SUMF1: variants seen among roughly 807,000 people sequenced by gnomAD.
The protein encoded by SUMF1 is formylglycine-generating enzyme.
Under a neutral mutation model 47.6 loss-of-function variants are expected in SUMF1, and 48 were observed. The ratio of observed to expected loss-of-function variants is 1.01; its 90% CI spans 0.80 to 1.28. SUMF1 has a LOEUF of 1.28. Ranked by LOEUF, SUMF1 falls within the 50% of genes most tolerant of loss-of-function variation. SUMF1 has a pLI of 0.00. For synonymous variants in SUMF1, 230 were observed against 192.1 expected, an observed-to-expected ratio of 1.20 and a Z score of -1.63; for missense variants, 571 against 485.4, an observed-to-expected ratio of 1.18 and a Z score of -1.66.
At chr3:4,172,273 G>A (rs1239839871) in intron 8 of SUMF1, among the ~76,000 whole-genome samples, 2 of 152,176 alleles carry the variant, frequency 1.3e-5, no homozygotes, top group Non-Finnish European at 2.9e-5. Flanking sequence ...GAAACTGAGT[G>A]AATAGTGGTG....
intron 8 of SUMF1, among the ~76,000 whole-genome samples, chr3:4,214,454 G>C (rs189870759): frequency 6.6e-6 from 1 of 152,114 alleles, no homozygotes; most frequent in Non-Finnish European, 1.5e-5. Context: ...AGAGAAAGCA[G>C]GAAAGATCTA....
intron 3 of SUMF1, among the ~76,000 whole-genome samples, chr3:4,431,936 T>A (rs1234989506): frequency 6.6e-6 from 1 of 152,142 alleles, no homozygotes; most frequent in Non-Finnish European, 1.5e-5. Flanking sequence ...TTGAACAATT[T>A]GGGTGACAGA....
intron 8 of SUMF1, among the ~76,000 whole-genome samples, chr3:4,318,103 G>A (rs547238136): frequency 6.7e-6 from 1 of 150,316 alleles, no homozygotes; most frequent in Non-Finnish European, 1.5e-5. Context: ...ACCATAACCA[G>A]ACACATGAGT....
chr3:4,188,586 A>C (rs1403166358), intron 8 of SUMF1, among the ~76,000 whole-genome samples: 4 of 152,142 alleles, frequency 2.6e-5, no homozygotes, highest in African/African-American at 7.2e-5. Flanking sequence ...GTGGCAATAG[A>C]CATGGCCTGG....
chr3:4,062,061 G>C (rs1178385281), intron 9 of SUMF1, among the ~76,000 whole-genome samples: 1 of 151,914 alleles, frequency 6.6e-6, no homozygotes, highest in African/African-American at 2.4e-5. Flanking sequence ...ACCTCAGCCT[G>C]AACAGCACCC....
intron 8 of SUMF1, among the ~76,000 whole-genome samples, chr3:4,164,390 C>A (rs965027131): frequency 2.0e-5 from 3 of 152,188 alleles, no homozygotes; most frequent in African/African-American, 7.2e-5. Flanking sequence ...TTACCCCAGG[C>A]ACCCTCAGTT....
intron 8 of SUMF1, among the ~76,000 whole-genome samples, chr3:4,304,964 C>T (rs528507009): frequency 8.4e-4 from 122 of 145,682 alleles, no homozygotes; most frequent in African/African-American, 2.9e-3. Context: ...CGGGGCAACT[C>T]AAAGTGGTGG....
rs141895684 is a variant in SUMF1 at position 4,042,611 on chromosome 3, AT to A, written c.1191+25957del. Among the ~76,000 whole-genome samples, 722 of 152,128 alleles carry A rather than the reference AT, an allele frequency of 4.7e-3. 7 individuals are homozygous for A. Among genetic ancestry groups the A allele is most frequent in the African/African-American group, 0.017 (689 of 41,508 alleles). ...TCAAAACAATTATGTAATTCTCCTC[AT>A]TTTTTCCTTTAAAAACCATTTCTTT... On this transcript the variant is annotated intron_variant and NMD_transcript_variant, in intron 9 of 12. Transcript: ENST00000448413.
At chr3:4,047,420 C>T (rs561606178) in intron 9 of SUMF1, among the ~76,000 whole-genome samples, 83 of 152,230 alleles carry the variant, frequency 5.5e-4, no homozygotes, top group Admixed American at 2.4e-3. Context: ...ACTTGGGATT[C>T]GGTGCTTACA....
chr3:4,051,720 A>T (rs1177265762), intron 9 of SUMF1, among the ~76,000 whole-genome samples: 2 of 152,164 alleles, frequency 1.3e-5, no homozygotes, highest in African/African-American at 4.8e-5. Context: ...ATTAGGCAAT[A>T]AAATATCACC....
intron 3 of SUMF1, among the ~76,000 whole-genome samples, chr3:4,429,102 A>G (rs1335937809): frequency 6.6e-6 from 1 of 152,252 alleles, no homozygotes; most frequent in Non-Finnish European, 1.5e-5. Flanking sequence ...TACAGTGAAC[A>G]TGTTCAAACA....
At chr3:4,116,256 C>G (rs1574897682) in intron 8 of SUMF1, among the ~76,000 whole-genome samples, 1 of 152,116 alleles carries the variant, frequency 6.6e-6, no homozygotes, top group Non-Finnish European at 1.5e-5. Context: ...TCTACCACGT[C>G]ACTTCACTAC....
chr3:4,321,128 T>G (rs1698820345), intron 8 of SUMF1, among the ~76,000 whole-genome samples: 1 of 152,180 alleles, frequency 6.6e-6, no homozygotes, highest in Non-Finnish European at 1.5e-5. Context: ...AAAGGAAGGA[T>G]GATCCATGTG....
chr3:4,287,607 G>A (rs1194680806), intron 8 of SUMF1, among the ~76,000 whole-genome samples: 2 of 152,086 alleles, frequency 1.3e-5, no homozygotes, highest in East Asian at 1.9e-4. Context: ...CTCACCAAAA[G>A]GAACGTGGCA....
At chr3:4,270,426 T>TCA (rs1021979939) in intron 8 of SUMF1, among the ~76,000 whole-genome samples, 8 of 151,560 alleles carry the variant, frequency 5.3e-5, no homozygotes, top group African/African-American at 1.2e-4. Flanking sequence ...TCTCTCTCTC[T>TCA]CACACACATA....
At chr3:4,425,413 GT>G (rs1702036720) in intron 3 of SUMF1, among the ~76,000 whole-genome samples, 1 of 152,136 alleles carries the variant, frequency 6.6e-6, no homozygotes, top group Admixed American at 6.5e-5. Flanking sequence ...ATTCATTTAT[GT>G]TATTACATGT....
At chr3:4,149,986 T>G (rs1312404444) in intron 8 of SUMF1, among the ~76,000 whole-genome samples, 1 of 152,156 alleles carries the variant, frequency 6.6e-6, no homozygotes, top group Non-Finnish European at 1.5e-5. Flanking sequence ...GGAGATTTGG[T>G]TTACTGATTT....
chr3:4,323,317 T>A (rs1157211486), intron 8 of SUMF1, among the ~76,000 whole-genome samples: 1 of 152,186 alleles, frequency 6.6e-6, no homozygotes, highest in Admixed American at 6.5e-5. Flanking sequence ...TCTGTTTACA[T>A]GAACTATCTG....
rs1437071454 is a variant in SUMF1, at chr3:4,166,213, CCT to C, written c.1015-97470_1015-97469del. 2.6e-5 allele frequency among the ~76,000 whole-genome samples: 4 copies of C among 152,068 alleles called. No individual in the cohort carries two copies. The East Asian group carries it at 5.8e-4, about 22-fold the overall frequency. ...CCTGTTAGAGTCCTAAGCATTTTCCCCTGTTAGTACTGGGACCTTACCTTTCT... is the reference window on the plus strand; with the variant it reads ...CCTGTTAGAGTCCTAAGCATTTTCCCGTTAGTACTGGGACCTTACCTTTCT... On this transcript the variant is annotated intron_variant and NMD_transcript_variant, in intron 8 of 12. Transcript: ENST00000448413.
Sources: gnomAD v4.1 joint callset for allele counts (sites outside exome capture counted in the v4.1 genomes callset) on GRCh38, gnomAD v4.1.1 for gene constraint, MANE v1.5 for transcripts, NCBI Gene and HGNC (gene_info 2026-07-23, HGNC 2026-07-21) for gene names.